SGMS1: variants seen among roughly 807,000 people sequenced by gnomAD.
SGMS1 encodes the protein sphingomyelin synthase 1, also known as phosphatidylcholine:ceramide cholinephosphotransferase 1.
SGMS1 carries 13 observed loss-of-function variants against 46.2 expected under a neutral mutation model. The ratio of observed to expected loss-of-function variants is 0.28; its 90% CI spans 0.18 to 0.45. The LOEUF (loss-of-function observed/expected upper bound fraction) is 0.45, where lower values mean the gene tolerates loss of function less well. SGMS1 is among the 20% of genes least tolerant of loss of function. The pLI, the probability that SGMS1 is intolerant of heterozygous loss-of-function variation, is 1.00. For synonymous variants in SGMS1, 203 were observed against 187.8 expected, an observed-to-expected ratio of 1.08 and a Z score of -0.66; for missense variants, 324 against 519.9, an observed-to-expected ratio of 0.62 and a Z score of 3.66.
At chr10:50,418,333 G>A (rs1433733456) in intron 6 of SGMS1, 1 of 152,338 alleles carries the variant, frequency 6.6e-6, no homozygotes, top group Non-Finnish European at 1.5e-5. Context: ...GCGGCCGGAT[G>A]CGCCGATCCT....
chr10:50,590,459 A>G lies in SGMS1; in HGVS notation c.-683-212T>C, dbSNP rs145857210. Among the ~76,000 whole-genome samples, 692 of 152,330 alleles carry G rather than the reference A, an allele frequency of 4.5e-3. 8 individuals carry two copies. Among genetic ancestry groups the G allele is most frequent in the Middle Eastern group, 0.037 (11 of 294 alleles). On this transcript the variant is annotated intron_variant, in intron 1 of 10. Coordinates refer to ENST00000361781, the MANE Select transcript of SGMS1 (RefSeq NM_147156.4). Reference sequence around the variant, plus strand: ...ACTATCAGCCCCACCCACTCTAGGAAATTTTGGAATAAAGGAATTCCTCTG... The same window carrying G: ...ACTATCAGCCCCACCCACTCTAGGAGATTTTGGAATAAAGGAATTCCTCTG...
chr10:50,548,420 A>G (rs2133828456), intron 2 of SGMS1, among the ~76,000 whole-genome samples: 1 of 152,348 alleles, frequency 6.6e-6, no homozygotes, highest in Admixed American at 6.5e-5. Flanking sequence ...ATCTACAGCC[A>G]TCTCATCTTT....
intron 2 of SGMS1, among the ~76,000 whole-genome samples, chr10:50,525,932 T>C (rs1342912505): frequency 1.3e-5 from 2 of 152,196 alleles, no homozygotes; most frequent in Admixed American, 1.3e-4. Flanking sequence ...CGTAGAACTC[T>C]CAAATTGGTA....
At chr10:50,506,074 C>T (rs764618718) in intron 3 of SGMS1, among the ~76,000 whole-genome samples, 10 of 152,114 alleles carry the variant, frequency 6.6e-5, no homozygotes, top group Non-Finnish European at 1.3e-4. Flanking sequence ...CTCCCTTGTC[C>T]TGGAATACTC....
At chr10:50,317,802 CTT>C (rs143154915) in intron 8 of SGMS1, among the ~76,000 whole-genome samples, 12 of 133,512 alleles carry the variant, frequency 9.0e-5, no homozygotes, top group Admixed American at 1.5e-4. Flanking sequence ...TTATTTCTTT[CTT>C]TTTTTTTTTT....
At chr10:50,417,513 A>G (rs1489160288) in intron 6 of SGMS1, among the ~76,000 whole-genome samples, 3 of 152,142 alleles carry the variant, frequency 2.0e-5, no homozygotes, top group Non-Finnish European at 4.4e-5. Context: ...ACCTGGCCAC[A>G]CTAAATAGAA....
intron 6 of SGMS1, among the ~76,000 whole-genome samples, chr10:50,417,585 A>G (rs1425373642): frequency 1.3e-5 from 2 of 152,204 alleles, no homozygotes; most frequent in East Asian, 3.8e-4. Flanking sequence ...TCCTTGTGGC[A>G]CTTAGTACCA....
intron 6 of SGMS1, among the ~76,000 whole-genome samples, chr10:50,430,468 T>TAGA: frequency 4.1e-5 from 1 of 24,146 alleles, no homozygotes; most frequent in East Asian, 2.4e-3. Context: ...TATGGCAGAA[T>TAGA]ACAAAAAAAA....
At position 50,317,153 on chromosome 10, in the gene SGMS1, TG is replaced by T. The variant is rs1283689032; in HGVS notation, c.742-5739del. On this transcript the variant is annotated intron_variant, in intron 8 of 10. Transcript: ENST00000361781. ...GTAAGTTATGAAATGTCCTTTAGCC[TG>T]ACTTTGTAGTCCCCACCAGGAAGGT... 2.0e-5 allele frequency among the ~76,000 whole-genome samples: 3 copies of T among 152,340 alleles called. No homozygotes were observed. The East Asian group carries it at 5.8e-4, about 29-fold the overall frequency.
intron 2 of SGMS1, among the ~76,000 whole-genome samples, chr10:50,568,781 C>G (rs1838312304): frequency 6.6e-6 from 1 of 152,186 alleles, no homozygotes; most frequent in South Asian, 2.1e-4. Flanking sequence ...CTACAGTACA[C>G]CAACGTGTCA....
intron 6 of SGMS1, among the ~76,000 whole-genome samples, chr10:50,374,431 C>CCCCCCA (rs550937593): frequency 6.8e-6 from 1 of 147,148 alleles, no homozygotes; most frequent in South Asian, 2.3e-4. Context: ...AATCTGTGCT[C>CCCCCCA]CCCCCACCCC....
chr10:50,596,265 C>T (rs1211798583), intron 1 of SGMS1, among the ~76,000 whole-genome samples: 2 of 152,172 alleles, frequency 1.3e-5, no homozygotes, highest in African/African-American at 2.4e-5. Flanking sequence ...CAACCTGCGC[C>T]TCCCTGGTTC....
upstream of SGMS1, chr10:50,624,190 T>G: frequency 1.1e-6 from 1 of 907,982 alleles, no homozygotes; most frequent in Non-Finnish European, 1.3e-6. Flanking sequence ...CCCAGCGTTT[T>G]TAGGGGCCCA....
intron 3 of SGMS1, among the ~76,000 whole-genome samples, chr10:50,494,672 T>C (rs916736064): frequency 1.2e-4 from 19 of 152,274 alleles, no homozygotes; most frequent in African/African-American, 3.1e-4. Context: ...AAATAACTAA[T>C]GGATAGTAGG....
chr10:50,596,458 G>A (rs555248040), intron 1 of SGMS1, among the ~76,000 whole-genome samples: 9 of 152,354 alleles, frequency 5.9e-5, no homozygotes, highest in Non-Finnish European at 1.2e-4. Flanking sequence ...GCTTACAGGC[G>A]TGAGCCACCA....
At chr10:50,333,113 T>C (rs1482720768) in intron 7 of SGMS1, among the ~76,000 whole-genome samples, 1 of 152,192 alleles carries the variant, frequency 6.6e-6, no homozygotes, top group Non-Finnish European at 1.5e-5. Context: ...TTCTACTGTA[T>C]GGTATTTTTT....
At chr10:50,421,911 A>T (rs1849259927) in intron 6 of SGMS1, among the ~76,000 whole-genome samples, 1 of 152,140 alleles carries the variant, frequency 6.6e-6, no homozygotes, top group African/African-American at 2.4e-5. Flanking sequence ...CTGGGTGGTT[A>T]CCAGCTAAGG....
intron 8 of SGMS1, among the ~76,000 whole-genome samples, chr10:50,320,866 CTG>C (rs1162382581): frequency 6.6e-6 from 1 of 152,238 alleles, no homozygotes; most frequent in Admixed American, 6.5e-5. Flanking sequence ...CCTCCGGTGT[CTG>C]TGCATCCATG....
In SGMS1 at chr10:50,307,432, C is replaced by A. The variant is rs891425222; in HGVS notation, c.1063-111G>T. 1 of 799,166 alleles carries A rather than the reference C, an allele frequency of 1.3e-6. No individual in the cohort carries two copies. Among genetic ancestry groups the A allele is most frequent in the East Asian group, 2.7e-5 (1 of 37,352 alleles). The allele number at this position is 799,166 out of a possible 1,614,324, so 49.5% of individuals were successfully genotyped here. A position where few individuals can be genotyped will look rare whatever the true frequency, so the allele number is the denominator to read the frequency against. On this transcript the variant is annotated intron_variant, in intron 10 of 10. Transcript: ENST00000361781. The surrounding 1 kb of genome is among the most constrained non-coding windows in gnomAD (Gnocchi z 4.2). ...CTCCATACCTGCCCTGCGTGTCCAC[C>A]CACATATCCCAGCTTCTCTCTCTCA...
Sources: gnomAD v4.1 joint callset for allele counts (sites outside exome capture counted in the v4.1 genomes callset) on GRCh38, gnomAD v4.1.1 for gene constraint, Gnocchi (gnomAD v3.1) non-coding constraint, MANE v1.5 for transcripts, NCBI Gene and HGNC (gene_info 2026-07-23, HGNC 2026-07-21) for gene names.